The following ICA1 variants were observed in gnomAD, a reference collection of about 807,000 sequenced individuals.
ICA1 encodes the protein 69 kDa islet cell autoantigen.
Under a neutral mutation model 71.0 loss-of-function variants are expected in ICA1, and 40 were observed. The observed-to-expected ratio is 0.56, with a 90% confidence interval of 0.44 to 0.73. The LOEUF (loss-of-function observed/expected upper bound fraction) is 0.73, where lower values mean the gene tolerates loss of function less well. ICA1 is among the 30% of genes least tolerant of loss of function. ICA1 has a pLI of 0.00. For missense variants in ICA1, 578 were observed against 576.5 expected, an observed-to-expected ratio of 1.00 and a Z score of -0.03; for synonymous variants, 207 against 209.5, an observed-to-expected ratio of 0.99 and a Z score of 0.10.
chr7:8,242,971 G>A (rs868126801), intron 1 of ICA1, among the ~76,000 whole-genome samples: 19 of 152,068 alleles, frequency 1.2e-4, no homozygotes, highest in African/African-American at 3.9e-4. Context: ...ATTCACAGCC[G>A]AATTCTACCA....
At chr7:8,220,603 G>A (rs1328231101) in intron 5 of ICA1, among the ~76,000 whole-genome samples, 1 of 152,046 alleles carries the variant, frequency 6.6e-6, no homozygotes, top group African/African-American at 2.4e-5. Context: ...CTGTGTGCAG[G>A]GGCTCCTGCT....
At chr7:8,200,310 G>C (rs1789131110) in intron 6 of ICA1, among the ~76,000 whole-genome samples, 1 of 109,734 alleles carries the variant, frequency 9.1e-6, no homozygotes, top group South Asian at 3.2e-4. Flanking sequence ...GCTTCTTAAA[G>C]TCTTTGAGAA....
Position 8,255,779 on chromosome 7 carries a change from C to CTTTTTTTTT in ICA1, c.-80+6306_-80+6314dup, listed in dbSNP as rs573673718. Among the ~76,000 whole-genome samples the CTTTTTTTTT allele has an allele frequency of 5.8e-3, 776 of 132,746 alleles. 23 individuals are homozygous for CTTTTTTTTT. Among genetic ancestry groups the CTTTTTTTTT allele is most frequent in the African/African-American group, 0.019 (624 of 32,780 alleles). The allele number at this position is 132,746 out of a possible 152,430, so 87.1% of individuals were successfully genotyped here. A position where few individuals can be genotyped will look rare whatever the true frequency, so the allele number is the denominator to read the frequency against. On this transcript the variant is annotated intron_variant, in intron 1 of 13. Transcript: ENST00000402384. ...TAAGTTGAAAACCTCACTTCTTTCT[C>CTTTTTTTTT]TTTTTTTTTTTTTTTGGCAGGGTCT... is the stretch of plus-strand genomic sequence containing the variant.
chr7:8,150,906 T>TGC (rs1798575212), intron 8 of ICA1, among the ~76,000 whole-genome samples: 1 of 152,016 alleles, frequency 6.6e-6, no homozygotes, highest in Non-Finnish European at 1.5e-5. Context: ...GGCAGGAGCA[T>TGC]CCCAATTCCC....
chr7:8,248,194 G>T (rs1210802242), intron 1 of ICA1, among the ~76,000 whole-genome samples: 1 of 152,076 alleles, frequency 6.6e-6, no homozygotes, highest in African/African-American at 2.4e-5. Flanking sequence ...CATTCAGTGG[G>T]TAGCTTTTCT....
intron 6 of ICA1, among the ~76,000 whole-genome samples, chr7:8,191,315 A>C (rs1272868989): frequency 2.0e-5 from 3 of 152,218 alleles, no homozygotes; most frequent in African/African-American, 7.2e-5. Flanking sequence ...TGGATTTGCC[A>C]TGGTTTGATT....
chr7:8,174,755 C>CAAAAAAAAAAA (rs1218712832), intron 6 of ICA1, among the ~76,000 whole-genome samples: 1 of 83,484 alleles, frequency 1.2e-5, no homozygotes, highest in African/African-American at 4.9e-5. Context: ...GACTGTATCT[C>CAAAAAAAAAAA]AAAAAAAAAA....
intron 6 of ICA1, among the ~76,000 whole-genome samples, chr7:8,206,037 A>G (rs1791427832): frequency 6.6e-6 from 1 of 151,188 alleles, no homozygotes; most frequent in Admixed American, 6.6e-5. Flanking sequence ...TTGGGAAAGG[A>G]TTTTCTCCAC....
intron 6 of ICA1, among the ~76,000 whole-genome samples, chr7:8,210,178 A>G (rs1793153518): frequency 6.6e-6 from 1 of 152,226 alleles, no homozygotes; most frequent in Non-Finnish European, 1.5e-5. Context: ...CCTAGCTCAG[A>G]TAAGAGCACT....
intron 2 of ICA1, 63 bp from the exon 3 acceptor site, chr7:8,232,818 G>T: frequency 1.5e-6 from 2 of 1,354,716 alleles, no homozygotes; most frequent in Non-Finnish European, 2.0e-6. Flanking sequence ...ATTTTAGTGT[G>T]AAATGATTTC....
chr7:8,152,568 A>ATCACCACCATCTCCT (rs1799254131), intron 8 of ICA1, among the ~76,000 whole-genome samples: 1 of 146,456 alleles, frequency 6.8e-6, no homozygotes, highest in African/African-American at 2.6e-5. Flanking sequence ...CACCACCACC[A>ATCACCACCATCTCCT]CCACCACCAT....
At chr7:8,184,811 G>A (rs1783369701) in intron 6 of ICA1, among the ~76,000 whole-genome samples, 1 of 152,184 alleles carries the variant, frequency 6.6e-6, no homozygotes, top group Non-Finnish European at 1.5e-5. Context: ...GCCGTGGCTT[G>A]CACCTGTAAT....
chr7:8,230,830 A>T (rs1800047656), intron 3 of ICA1, among the ~76,000 whole-genome samples: 1 of 152,190 alleles, frequency 6.6e-6, no homozygotes, highest in African/African-American at 2.4e-5. Context: ...CTATTTCAAA[A>T]TTTCCAATTG....
chr7:8,127,892 G>C lies in ICA1; in HGVS notation c.1311C>G (p.Asp437Glu), dbSNP rs1365614275. The change falls in exon 13 of 14, where the codon GAC becomes GAG. Residue 437 changes from aspartate (D) to glutamate (E), a missense_variant. Coordinates refer to ENST00000402384, the MANE Select transcript of ICA1 (RefSeq NM_001136020.3). ...ACCTACCTTGTAGCGAGGCCTGTAA[G>C]TCTTTCATATTTTGGTCTAAAAGCT... ...PSQLLDQNMKDLQASLQEPAK... is the reference protein window; with the variant it reads ...PSQLLDQNMKELQASLQEPAK... 2 of 1,613,942 alleles carry C rather than the reference G, an allele frequency of 1.2e-6. No individual in the cohort carries two copies. The highest frequency in any genetic ancestry group is 8.5e-7 in the Non-Finnish European group (1 of 1,179,984).
At position 8,222,983 on chromosome 7, in the gene ICA1, T is replaced by G. The variant is rs1408777056; in HGVS notation, c.257-1585A>C. On this transcript the variant is annotated intron_variant, in intron 4 of 13. Coordinates refer to ENST00000402384, the MANE Select transcript of ICA1 (RefSeq NM_001136020.3). The surrounding 1 kb of genome is among the most constrained non-coding windows in gnomAD (Gnocchi z 4.8). ...CGGTGCTAATTAAATGCTTGTGAATTGAATTGACTACAATTTTGCCTTGTT... is the reference window on the plus strand; with the variant it reads ...CGGTGCTAATTAAATGCTTGTGAATGGAATTGACTACAATTTTGCCTTGTT... Among the ~76,000 whole-genome samples, 2 of 152,256 alleles carry G rather than the reference T, an allele frequency of 1.3e-5. No homozygotes were observed. The highest frequency in any genetic ancestry group is 1.3e-4 in the Admixed American group (2 of 15,278).
intron 12 of ICA1, among the ~76,000 whole-genome samples, chr7:8,136,057 T>C (rs1278594269): frequency 6.6e-6 from 1 of 152,200 alleles, no homozygotes; most frequent in East Asian, 1.9e-4. Flanking sequence ...CTTTTTTACT[T>C]AAAATAGTTT....
intron 10 of ICA1, among the ~76,000 whole-genome samples, chr7:8,139,374 C>T (rs1160340588): frequency 6.6e-6 from 1 of 152,134 alleles, no homozygotes; most frequent in Admixed American, 6.6e-5. Flanking sequence ...CCATATGGGC[C>T]TGGCTAAAAT....
intron 6 of ICA1, among the ~76,000 whole-genome samples, chr7:8,212,321 T>C (rs1794057642): frequency 6.6e-6 from 1 of 152,098 alleles, no homozygotes; most frequent in Non-Finnish European, 1.5e-5. Flanking sequence ...TCCCAGCACT[T>C]TGGGAGGCCA....
intron 4 of ICA1, 101 bp downstream of exon 4, chr7:8,228,500 A>C: frequency 1.6e-6 from 1 of 637,258 alleles, no homozygotes; most frequent in Non-Finnish European, 2.6e-6. Flanking sequence ...AGACACAGAC[A>C]AACACTCTTA....
Sources: gnomAD v4.1 joint callset for allele counts (sites outside exome capture counted in the v4.1 genomes callset) on GRCh38, gnomAD v4.1.1 for gene constraint, Gnocchi (gnomAD v3.1) non-coding constraint, MANE v1.5 for transcripts, NCBI Gene and HGNC (gene_info 2026-07-23, HGNC 2026-07-21) for gene names.